The following TSACC variants were observed in gnomAD, a reference collection of about 807,000 sequenced individuals.
The protein encoded by TSACC is TSSK6-activating co-chaperone protein.
TSACC carries 3 observed loss-of-function variants against 6.9 expected under a neutral mutation model. That is an observed-to-expected ratio of 0.43 (90% CI 0.20 to 1.12). TSACC has a LOEUF of 1.12. Among genes scored for constraint, TSACC ranks in the 50% most tolerant of loss-of-function variants. The pLI, the probability that TSACC is intolerant of heterozygous loss-of-function variation, is 0.28. For synonymous variants in TSACC, 54 were observed against 55.1 expected, an observed-to-expected ratio of 0.98 and a Z score of 0.09; for missense variants, 137 against 143.9, an observed-to-expected ratio of 0.95 and a Z score of 0.24.
rs756492539 is a variant in TSACC, at chr1:156,346,858, C to T, written c.254C>T (p.Ala85Val). Reference protein sequence around the residue: ...LQTQLAQQQMAVLEHLQASVT... With the variant: ...LQTQLAQQQMVVLEHLQASVT... Reference sequence around the variant, plus strand: ...ACCCAGCTCGCCCAACAACAGATGGCTGTTTTGGAACATTTACAGGCATCT... The same window carrying T: ...ACCCAGCTCGCCCAACAACAGATGGTTGTTTTGGAACATTTACAGGCATCT... Residue 85 changes from alanine to valine, a missense_variant, in exon 4 of 4, where the codon GCT becomes GTT. Ala to Val is a moderately conservative substitution (Grantham distance 64). Transcript: ENST00000368254. 6.2e-7 allele frequency: 1 copy of T among 1,614,208 alleles called. No homozygotes were observed. The highest frequency in any genetic ancestry group is 1.7e-5 in the Admixed American group (1 of 60,022).
chr1:156,337,758 G>C, upstream of TSACC: 2 of 244,288 alleles, frequency 8.2e-6, no homozygotes, highest in Non-Finnish European at 1.6e-5. Flanking sequence ...CCGCTACTAA[G>C]GGATGGGCCA....
At position 156,340,458 on chromosome 1, in the gene TSACC, C is replaced by CTT. The variant is rs1294722828; in HGVS notation, c.34+686_34+687dup. Among the ~76,000 whole-genome samples the CTT allele has an allele frequency of 3.4e-3, 384 of 111,744 alleles. 1 individual carries two copies. The highest frequency in any genetic ancestry group is 0.02 in the East Asian group (75 of 3,778). 73.3% of individuals were successfully genotyped at this position (111,744 alleles called of 152,430 possible). On this transcript the variant is annotated intron_variant, in intron 2 of 3. Coordinates refer to ENST00000368254, the MANE Select transcript of TSACC (RefSeq NM_001304817.2). The stretch of plus-strand genomic sequence containing the variant: ...ACAGGTGTGAGCTACCGCCCCCGGC[C>CTT]TTTTTTTTTTTTTTTTTTTTGAGAT...
rs1276890349 is a variant in TSACC, at chr1:156,344,622, C to A, written c.77C>A (p.Ala26Glu). The change falls in exon 3 of 4, where the codon GCA (alanine) becomes GAA (glutamate). Residue 26 changes from alanine to glutamate, a missense_variant. Physicochemically the swap from Ala to Glu is moderately radical, Grantham distance 107 (BLOSUM62 -1). Transcript: ENST00000368254. ...EEANAVPLCR[A>E]KPSPSYINLQ... is the part of the protein sequence containing the mutation. ...GCTAATGCTGTGCCTCTCTGTAGAG[C>A]AAAACCCTCCCCCAGCTATATTAAT... is the stretch of plus-strand genomic sequence containing the variant. The A allele has an allele frequency of 6.2e-7, 1 of 1,614,056 alleles. No individual in the cohort carries two copies. Among genetic ancestry groups the A allele is most frequent in the African/African-American group, 1.3e-5 (1 of 75,034 alleles).
intron 2 of TSACC, 31 bp from the exon 3 acceptor site, chr1:156,344,549 A>G: frequency 6.2e-7 from 1 of 1,609,118 alleles, no homozygotes; most frequent in Non-Finnish European, 8.5e-7. Flanking sequence ...CCTTGTTGGA[A>G]TGAGCTCTGA....
chr1:156,340,483 T>C (rs1035987827), intron 2 of TSACC, among the ~76,000 whole-genome samples: 31 of 113,146 alleles, frequency 2.7e-4, no homozygotes, highest in Non-Finnish European at 4.6e-4. Flanking sequence ...TTTTTTGAGA[T>C]AGAGTTTTGC....
At chr1:156,337,819 C>A (rs1046792107), upstream of TSACC, 3 of 360,802 alleles carry the variant, frequency 8.3e-6, no homozygotes, top group Non-Finnish European at 5.0e-6. Flanking sequence ...AAACGTTATT[C>A]GTGCAGCTAC....
Position 156,339,626 on chromosome 1 carries a change from C to T in TSACC, c.-124-8C>T, listed in dbSNP as rs1558279743. ...ATGAAATAGAGTTTCCTACTTTTTCCTCTGCAGATTGGAACAGGCTGAGAT... is the reference window on the plus strand; with the variant it reads ...ATGAAATAGAGTTTCCTACTTTTTCTTCTGCAGATTGGAACAGGCTGAGAT... On this transcript the variant is annotated splice_polypyrimidine_tract_variant and splice_region_variant and intron_variant, in intron 1 of 3. Transcript: ENST00000368254. The T allele has an allele frequency of 8.9e-7, 1 of 1,118,752 alleles. No homozygotes were observed. The highest frequency in any genetic ancestry group is 2.4e-5 in the Admixed American group (1 of 41,916). 69.3% of individuals were successfully genotyped at this position (1,118,752 alleles called of 1,614,324 possible).
Position 156,346,901 on chromosome 1 carries a change from TG to T in TSACC, c.300del (p.Arg101GlyfsTer17). On this transcript the variant is annotated frameshift_variant, in exon 4 of 4. Coordinates refer to ENST00000368254, the MANE Select transcript of TSACC (RefSeq NM_001304817.2). LOFTEE classifies it low-confidence loss of function (END_TRUNC). ...LQASVTQLAP[G>X]RGSNNSSLPA... ...AGGCATCTGTGACACAACTGGCTCC[TG>T]GGAGGGGAAGCAATAACTCTTCTCT... 6.2e-7 allele frequency: 1 copy of T among 1,614,226 alleles called. No homozygotes were observed. Among genetic ancestry groups the T allele is most frequent in the Non-Finnish European group, 8.5e-7 (1 of 1,180,040 alleles).
At chr1:156,343,199 A>G (rs1665990531) in intron 2 of TSACC, among the ~76,000 whole-genome samples, 4 of 152,188 alleles carry the variant, frequency 2.6e-5, no homozygotes, top group Admixed American at 2.6e-4. Context: ...CTCAGATTCA[A>G]TATGTCCAGA....
chr1:156,338,263 C>G, upstream of TSACC: 2 of 1,464,238 alleles, frequency 1.4e-6, no homozygotes, highest in Non-Finnish European at 9.4e-7. Flanking sequence ...CAGACAGAAG[C>G]CCAGAAAACG....
intron 2 of TSACC, among the ~76,000 whole-genome samples, chr1:156,341,149 C>A (rs1253303188): frequency 6.6e-6 from 1 of 152,156 alleles, no homozygotes; most frequent in South Asian, 2.1e-4. Context: ...CACGATTCTA[C>A]TAGAAAATAC....
intron 3 of TSACC, among the ~76,000 whole-genome samples, chr1:156,345,912 G>C (rs145270711): frequency 5.9e-5 from 9 of 151,470 alleles, no homozygotes; most frequent in African/African-American, 2.2e-4. Context: ...AGAATGGACT[G>C]GCCAGGTGCA....
At chr1:156,338,775 A>C (rs924822003) in intron 1 of TSACC, 170 bp downstream of exon 1, 3 of 155,552 alleles carry the variant, frequency 1.9e-5, no homozygotes, top group African/African-American at 7.2e-5. Flanking sequence ...CGCAGGGTGA[A>C]GTGGGAGTTG....
intron 2 of TSACC, among the ~76,000 whole-genome samples, chr1:156,340,320 G>A (rs1371625943): frequency 1.3e-5 from 2 of 151,930 alleles, no homozygotes; most frequent in East Asian, 1.9e-4. Flanking sequence ...CACCATGCCC[G>A]GCTAATTTTT....
intron 2 of TSACC, among the ~76,000 whole-genome samples, chr1:156,343,080 C>T (rs749804896): frequency 5.9e-5 from 9 of 152,180 alleles, no homozygotes; most frequent in Admixed American, 1.3e-4. Flanking sequence ...TTTGCAGCTC[C>T]TTCATCCCCT....
In TSACC at chr1:156,344,450, G is replaced by A. The variant is rs1204861532; in HGVS notation, c.35-130G>A. 1.1e-5 allele frequency: 15 copies of A among 1,321,602 alleles called. No homozygotes were observed. The South Asian group carries it at 1.6e-4, about 14-fold the overall frequency. 81.9% of individuals were successfully genotyped at this position (1,321,602 alleles called of 1,614,324 possible). ...TATTATGATTTCTTTTTTGTCTTAT[G>A]TATCTTTCTGATATGTAACATATTC... On this transcript the variant is annotated intron_variant, in intron 2 of 3. Transcript: ENST00000368254.
upstream of TSACC, chr1:156,338,185 G>A (rs751967438): frequency 1.9e-5 from 30 of 1,588,002 alleles, no homozygotes; most frequent in Non-Finnish European, 2.5e-5. Context: ...GGCCCATCAT[G>A]GCGACGCGAT....
chr1:156,338,264 C>A, upstream of TSACC: 3 of 1,452,622 alleles, frequency 2.1e-6, no homozygotes, highest in Non-Finnish European at 2.8e-6. Context: ...AGACAGAAGC[C>A]CAGAAAACGC....
intron 3 of TSACC, among the ~76,000 whole-genome samples, chr1:156,345,583 A>G (rs1391497256): frequency 6.7e-6 from 1 of 150,236 alleles, no homozygotes; most frequent in Non-Finnish European, 1.5e-5. Context: ...AAAAGAATGG[A>G]CTGGCAGGGC....
Sources: gnomAD v4.1 joint callset for allele counts (sites outside exome capture counted in the v4.1 genomes callset) on GRCh38, gnomAD v4.1.1 for gene constraint, MANE v1.5 for transcripts, NCBI Gene and HGNC (gene_info 2026-07-23, HGNC 2026-07-21) for gene names.